The following DNAH3 variants were observed in gnomAD, a reference collection of about 807,000 sequenced individuals.
DNAH3 encodes the protein dynein axonemal heavy chain 3.
Under a neutral mutation model 432.5 loss-of-function variants are expected in DNAH3, and 332 were observed. The observed-to-expected ratio is 0.77, with a 90% confidence interval of 0.70 to 0.84. The LOEUF is 0.84. DNAH3 is among the 40% of genes least tolerant of loss of function. The pLI is 0.00. For missense variants in DNAH3, 4,861 were observed against 5,114.0 expected (o/e 0.95, Z 1.51); for synonymous variants, 1,956 against 1,900.2 (o/e 1.03, Z -0.76).
chr16:20,983,235 C>T (rs1355295710), intron 48 of DNAH3, among the ~76,000 whole-genome samples: 2 of 152,202 alleles, frequency 1.3e-5, no homozygotes, highest in African/African-American at 4.8e-5. Context: ...AAGCTATTCT[C>T]CTGCCTCAGC....
At chr16:20,935,704 G>A (rs12935370) in intron 60 of DNAH3, among the ~76,000 whole-genome samples, 22,750 of 152,028 alleles carry the variant, frequency 0.15, 1,874 homozygotes, top group East Asian at 0.21. Flanking sequence ...TTAGCCAGGC[G>A]TGGTGGTGGG....
At chr16:21,039,878 G>A (rs1210612824) in exon 33 of DNAH3, 1 of 1,613,676 alleles carries the variant, frequency 6.2e-7, no homozygotes, top group South Asian at 1.1e-5. Context: ...ACCCCATGGA[G>A]TAGAGGGAGA....
exon 53 of DNAH3, chr16:20,964,116 A>G: frequency 1.2e-6 from 2 of 1,614,230 alleles, no homozygotes; most frequent in South Asian, 1.1e-5. Flanking sequence ...TGGCGGTTTC[A>G]TCCTCCAGGA....
At chr16:21,136,346 G>A (rs1486552435) in exon 6 of DNAH3, 1 of 1,613,962 alleles carries the variant, frequency 6.2e-7, no homozygotes. Context: ...TGAGGCTACA[G>A]TAATAGTCAT....
intron 41 of DNAH3, among the ~76,000 whole-genome samples, chr16:21,011,916 T>A (rs1044647145): frequency 6.6e-6 from 1 of 152,212 alleles, no homozygotes; most frequent in Non-Finnish European, 1.5e-5. Flanking sequence ...TATTTTTACA[T>A]GTATTAACTC....
exon 7 of DNAH3, chr16:21,134,315 C>T: frequency 1.2e-6 from 2 of 1,614,164 alleles, no homozygotes; most frequent in Non-Finnish European, 1.7e-6. Flanking sequence ...TGTGCAGATG[C>T]TCCTCGTTCC....
chr16:21,077,075 C>T (rs1280375030), intron 20 of DNAH3, among the ~76,000 whole-genome samples: 1 of 152,202 alleles, frequency 6.6e-6, no homozygotes, highest in Non-Finnish European at 1.5e-5. Context: ...AAATGGCCCC[C>T]AGTTGAGAAC....
Position 21,063,534 on chromosome 16 carries a change from T to C in DNAH3, c.3519-851A>G, listed in dbSNP as rs550655422. Among the ~76,000 whole-genome samples the C allele has an allele frequency of 3.9e-3, 585 of 150,300 alleles. 3 individuals carry two copies. The highest frequency in any genetic ancestry group is 6.3e-3 in the Non-Finnish European group (428 of 67,550). Reference sequence around the variant, plus strand: ...ATTTTATTTTATTTTATTTTATTTTTATTTTTATTTTTATTTTATTTTATT... The same window carrying C: ...ATTTTATTTTATTTTATTTTATTTTCATTTTTATTTTTATTTTATTTTATT... On this transcript the variant is annotated intron_variant, in intron 24 of 61. Coordinates refer to ENST00000261383, the Ensembl canonical transcript of DNAH3.
At chr16:21,010,888 GTT>G (rs200472753) in intron 41 of DNAH3, among the ~76,000 whole-genome samples, 45,747 of 138,698 alleles carry the variant, frequency 0.33, 7,113 homozygotes, top group Admixed American at 0.37. Flanking sequence ...GCCAAAACCT[GTT>G]TTTTTTTTTT....
intron 55 of DNAH3, among the ~76,000 whole-genome samples, chr16:20,953,059 A>G (rs539402059): frequency 6.6e-6 from 1 of 152,292 alleles, no homozygotes; most frequent in East Asian, 1.9e-4. Flanking sequence ...ACATGTGTAA[A>G]CCAGGCATGG....
At chr16:21,003,429 T>G (rs1412493545) in intron 41 of DNAH3, among the ~76,000 whole-genome samples, 1 of 152,236 alleles carries the variant, frequency 6.6e-6, no homozygotes, top group Non-Finnish European at 1.5e-5. Context: ...TGATAGGTGC[T>G]AATTATGCAA....
chr16:21,113,461 T>A lies in DNAH3; in HGVS notation c.1815-1363A>T, dbSNP rs767944908. 1.5e-4 allele frequency among the ~76,000 whole-genome samples: 23 copies of A among 149,132 alleles called. 1 individual carries two copies. The highest frequency in any genetic ancestry group is 8.3e-4 in the South Asian group (4 of 4,818). On this transcript the variant is annotated intron_variant, in intron 12 of 61. Transcript: ENST00000261383. ...TAACCATCACAGTTGTCTTTAATTTTATTTTATTTTATTTTTTGAGATAGA... is the reference window on the plus strand; with the variant it reads ...TAACCATCACAGTTGTCTTTAATTTAATTTTATTTTATTTTTTGAGATAGA...
intron 51 of DNAH3, among the ~76,000 whole-genome samples, chr16:20,974,730 G>T (rs932812222): frequency 6.6e-6 from 1 of 150,848 alleles, no homozygotes; most frequent in Non-Finnish European, 1.5e-5. Context: ...CATATGTTGG[G>T]TCTTAATGCT....
intron 34 of DNAH3, among the ~76,000 whole-genome samples, chr16:21,037,213 G>A (rs1034990604): frequency 6.6e-6 from 1 of 152,120 alleles, no homozygotes; most frequent in Admixed American, 6.6e-5. Flanking sequence ...GGAGGCTGAG[G>A]CAGGAGAATC....
At chr16:21,131,340 G>A (rs1322386252) in intron 7 of DNAH3, among the ~76,000 whole-genome samples, 1 of 150,880 alleles carries the variant, frequency 6.6e-6, no homozygotes, top group Non-Finnish European at 1.5e-5. Context: ...AAGAAAGCAA[G>A]CAAGAAAGCA....
intron 31 of DNAH3, 121 bp from the exon 32 acceptor site, chr16:21,042,324 A>G (rs892007645): frequency 1.5e-5 from 14 of 937,062 alleles, no homozygotes; most frequent in Non-Finnish European, 2.1e-5. Context: ...GCACCTGCAC[A>G]TTCAAAATTA....
intron 59 of DNAH3, among the ~76,000 whole-genome samples, chr16:20,938,683 A>AAG (rs1050589579): frequency 6.7e-6 from 1 of 148,282 alleles, no homozygotes; most frequent in African/African-American, 2.4e-5. Context: ...AAAAAAAAAA[A>AAG]AAAAGGGAAA....
chr16:21,040,385 T>TTTTTTTTTTTTTTTTTTTG (rs2089384324), intron 32 of DNAH3, among the ~76,000 whole-genome samples: 1 of 130,312 alleles, frequency 7.7e-6, no homozygotes, highest in African/African-American at 2.8e-5. Flanking sequence ...TTTTTTTTTT[T>TTTTTTTTTTTTTTTTTTTG]TAAGACAGAG....
chr16:20,933,130 T>C (rs780943075), exon 62 of DNAH3: 2 of 1,585,632 alleles, frequency 1.3e-6, no homozygotes, highest in African/African-American at 2.7e-5. Context: ...ATGCTTTTTA[T>C]TTTCTGTCTT....
Sources: gnomAD v4.1 joint callset for allele counts (sites outside exome capture counted in the v4.1 genomes callset) on GRCh38, gnomAD v4.1.1 for gene constraint, MANE v1.5 for transcripts, NCBI Gene and HGNC (gene_info 2026-07-23, HGNC 2026-07-21) for gene names.